PPME1: variants seen among roughly 807,000 people sequenced by gnomAD.
PPME1 encodes the protein protein phosphatase methylesterase 1, also known as testicular secretory protein Li 39.
In PPME1, 17 loss-of-function variants were observed where a neutral mutation model predicts 56.9. That is an observed-to-expected ratio of 0.30 (90% CI 0.20 to 0.45). PPME1 has a LOEUF of 0.45. Ranked by LOEUF, PPME1 falls within the 20% of genes least tolerant of loss-of-function variation. The pLI is 1.00. For synonymous variants in PPME1, 122 were observed against 156.2 expected (o/e 0.78, Z 1.63); for missense variants, 357 against 483.2 (o/e 0.74, Z 2.45).
intron 1 of PPME1, among the ~76,000 whole-genome samples, chr11:74,176,010 A>C (rs1426523364): frequency 6.6e-6 from 1 of 152,164 alleles, no homozygotes; most frequent in Non-Finnish European, 1.5e-5. Flanking sequence ...GAGTCATTTA[A>C]CTTCTCATAG....
At chr11:74,252,101 G>A (rs944367454) in intron 13 of PPME1, among the ~76,000 whole-genome samples, 5 of 144,828 alleles carry the variant, frequency 3.5e-5, no homozygotes, top group African/African-American at 1.4e-4. Flanking sequence ...CATGGAGCAG[G>A]GCTTTTTTTT....
chr11:74,250,924 T>C (rs1367290352), intron 11 of PPME1, 30 bp from the exon 12 acceptor site: 26 of 1,561,924 alleles, frequency 1.7e-5, no homozygotes, highest in Non-Finnish European at 2.3e-5. Flanking sequence ...TTTTAGTCGC[T>C]GAAGTTGCCT....
In PPME1 at chr11:74,242,000, C is replaced by A. The variant is rs188565516; in HGVS notation, c.834+2744C>A. The stretch of plus-strand genomic sequence containing the variant: ...TTTTGATGAAATTCAATTTATTTTT[C>A]TTTTTGTCCCTTGTACTTTTGGTAT... On this transcript the variant is annotated intron_variant, in intron 9 of 13. Coordinates refer to ENST00000328257, the MANE Select transcript of PPME1 (RefSeq NM_016147.3). 1.9e-3 allele frequency among the ~76,000 whole-genome samples: 294 copies of A among 152,078 alleles called. 2 individuals carry two copies. The highest frequency in any genetic ancestry group is 6.6e-3 in the African/African-American group (272 of 41,504).
At chr11:74,187,086 A>G (rs934871409) in intron 1 of PPME1, among the ~76,000 whole-genome samples, 2 of 152,186 alleles carry the variant, frequency 1.3e-5, no homozygotes. Context: ...TGAACCCTCA[A>G]TTCTATATCA....
chr11:74,177,184 G>A (rs1190916984), intron 1 of PPME1, among the ~76,000 whole-genome samples: 2 of 152,126 alleles, frequency 1.3e-5, no homozygotes, highest in Non-Finnish European at 2.9e-5. Flanking sequence ...GTCCTGGCCA[G>A]GCTCAGTGGT....
At chr11:74,227,484 A>AC (rs1858960939) in intron 5 of PPME1, among the ~76,000 whole-genome samples, 1 of 152,012 alleles carries the variant, frequency 6.6e-6, no homozygotes, top group Non-Finnish European at 1.5e-5. Flanking sequence ...GAAAAAAAAA[A>AC]ACCTCAAAAT....
At chr11:74,217,820 A>G (rs1054916907) in intron 3 of PPME1, among the ~76,000 whole-genome samples, 2 of 152,154 alleles carry the variant, frequency 1.3e-5, no homozygotes, top group African/African-American at 4.8e-5. Context: ...AGCTTGTATA[A>G]TACTAAAAGG....
chr11:74,227,474 G>GAA (rs61171109), intron 5 of PPME1, among the ~76,000 whole-genome samples: 44 of 144,376 alleles, frequency 3.0e-4, no homozygotes, highest in African/African-American at 1.0e-3. Flanking sequence ...AGTTACTGTG[G>GAA]AAAAAAAAAA....
chr11:74,196,660 A>G (rs1857990035), intron 1 of PPME1, among the ~76,000 whole-genome samples: 1 of 139,820 alleles, frequency 7.2e-6, no homozygotes, highest in Non-Finnish European at 1.6e-5. Flanking sequence ...GTAAAGTGAA[A>G]GAACAGCTAC....
intron 7 of PPME1, among the ~76,000 whole-genome samples, chr11:74,232,448 T>C (rs1032892957): frequency 1.3e-5 from 2 of 152,218 alleles, no homozygotes; most frequent in African/African-American, 2.4e-5. Context: ...AGAATGATGT[T>C]TGTGTTGGTG....
intron 3 of PPME1, among the ~76,000 whole-genome samples, chr11:74,212,015 A>G (rs1181437004): frequency 6.6e-6 from 1 of 152,208 alleles, no homozygotes; most frequent in African/African-American, 2.4e-5. Flanking sequence ...TCCACACAAA[A>G]AAGAACCTTC....
chr11:74,176,137 A>T lies in PPME1; in HGVS notation c.101+4615A>T, dbSNP rs147580275. ...GACACTGACACATAAGCTCTTAAAG[A>T]ATGATAGCTAGTAGATAATTATACA... On this transcript the variant is annotated intron_variant, in intron 1 of 13. Transcript: ENST00000328257. 1.6e-3 allele frequency among the ~76,000 whole-genome samples: 251 copies of T among 152,354 alleles called. 2 individuals are homozygous for T. Among genetic ancestry groups the T allele is most frequent in the African/African-American group, 4.9e-3 (203 of 41,586 alleles).
At position 74,230,968 on chromosome 11, in the gene PPME1, A is replaced by G. The variant is rs776004013; in HGVS notation, c.610A>G (p.Thr204Ala). The G allele has an allele frequency of 5.0e-6, 8 of 1,603,774 alleles. No individual in the cohort carries two copies. The Admixed American group carries it at 1.2e-4, about 24-fold the overall frequency. ...GAATTTCTTACGGGGTCGTCCTAAA[A>G]CCTTCAAGTCTCTGGAGAATGCTAT... is the stretch of plus-strand genomic sequence containing the variant. ...MQNFLRGRPKTFKSLENAIEW... is the reference protein window; with the variant it reads ...MQNFLRGRPKAFKSLENAIEW... The change falls in exon 7 of 14, where the codon ACC (threonine) becomes GCC (alanine). Residue 204 changes from threonine (T) to alanine (A), a missense_variant. By Grantham distance (58) the Thr-to-Ala change is moderately conservative. Coordinates refer to ENST00000328257, the MANE Select transcript of PPME1 (RefSeq NM_016147.3). The surrounding 1 kb of genome is among the most constrained non-coding windows in gnomAD (Gnocchi z 4.9).
chr11:74,251,092 T>A, intron 12 of PPME1, 74 bp downstream of exon 12: 1 of 1,542,330 alleles, frequency 6.5e-7, no homozygotes. Context: ...GACAAGTCTC[T>A]GAGTCTCAGC....
chr11:74,225,366 G>A, intron 5 of PPME1, 110 bp downstream of exon 5: 1 of 794,910 alleles, frequency 1.3e-6, no homozygotes, highest in Non-Finnish European at 1.9e-6. Context: ...ATTACCACAA[G>A]GAAAATTTTA....
rs540517592 is a variant in PPME1, at chr11:74,182,111, A to G, written c.101+10589A>G. Among the ~76,000 whole-genome samples, 5 of 152,320 alleles carry G rather than the reference A, an allele frequency of 3.3e-5. No individual in the cohort carries two copies. The South Asian group carries it at 1.0e-3, about 32-fold the overall frequency. On this transcript the variant is annotated intron_variant, in intron 1 of 13. Transcript: ENST00000328257. ...TATACTTCTACTGTCTTGTAGTAGAAGGAAGGTAGGTTTTAAAATCAACAA... is the reference window on the plus strand; with the variant it reads ...TATACTTCTACTGTCTTGTAGTAGAGGGAAGGTAGGTTTTAAAATCAACAA...
chr11:74,214,801 A>G (rs1180808653), intron 3 of PPME1, among the ~76,000 whole-genome samples: 1 of 152,204 alleles, frequency 6.6e-6, no homozygotes, highest in African/African-American at 2.4e-5. Flanking sequence ...TTTCATCAAC[A>G]CCAGACTTAC....
chr11:74,177,296 A>G (rs1007958311), intron 1 of PPME1, among the ~76,000 whole-genome samples: 1 of 152,040 alleles, frequency 6.6e-6, no homozygotes, highest in Admixed American at 6.5e-5. Context: ...CCTCTTCTCT[A>G]CAAAAATCAC....
chr11:74,229,029 A>G (rs558359620), intron 5 of PPME1, among the ~76,000 whole-genome samples: 3 of 152,266 alleles, frequency 2.0e-5, no homozygotes, highest in Non-Finnish European at 4.4e-5. Context: ...TTCACTTACA[A>G]AGTTTGGTGG....
Sources: gnomAD v4.1 joint callset for allele counts (sites outside exome capture counted in the v4.1 genomes callset) on GRCh38, gnomAD v4.1.1 for gene constraint, Gnocchi (gnomAD v3.1) non-coding constraint, MANE v1.5 for transcripts, NCBI Gene and HGNC (gene_info 2026-07-23, HGNC 2026-07-21) for gene names.